NAV3: variants seen among roughly 807,000 people sequenced by gnomAD.
The protein encoded by NAV3 is pore membrane and/or filament interacting like protein 1.
NAV3 carries 87 observed loss-of-function variants against 244.7 expected under a neutral mutation model. The observed-to-expected ratio is 0.36, with a 90% CI of 0.30 to 0.42. The LOEUF is 0.42. Ranked by LOEUF, NAV3 falls within the 20% of genes least tolerant of loss-of-function variation. The pLI is 1.00. For missense variants in NAV3, 2,663 were observed against 2,893.3 expected (o/e 0.92, Z 1.83); for synonymous variants, 1,126 against 1,042.2 (o/e 1.08, Z -1.55).
At position 78,051,355 on chromosome 12, in the gene NAV3, G is replaced by T. The variant is rs143153952; in HGVS notation, c.2516+208G>T. ...GATTTCTATAAATTCATTATAAGCCGCTAAGTTTTTCTGTTGTTGAGAGAA... is the reference window on the plus strand; with the variant it reads ...GATTTCTATAAATTCATTATAAGCCTCTAAGTTTTTCTGTTGTTGAGAGAA... On this transcript the variant is annotated intron_variant, in intron 11 of 39. Transcript: ENST00000397909. 4.6e-5 allele frequency among the ~76,000 whole-genome samples: 7 copies of T among 152,210 alleles called. No homozygotes were observed. In the East Asian group the frequency reaches 1.4e-3, roughly 29 times the overall value.
chr12:77,953,585 G>A (rs138770265), intron 3 of NAV3, among the ~76,000 whole-genome samples: 7 of 152,074 alleles, frequency 4.6e-5, no homozygotes, highest in African/African-American at 1.2e-4. Flanking sequence ...AACAAAAACC[G>A]AAGAGCAAAA....
At chr12:77,703,615 T>G (rs1224866126) in intron 2 of NAV3, among the ~76,000 whole-genome samples, 2 of 152,164 alleles carry the variant, frequency 1.3e-5, no homozygotes, top group Non-Finnish European at 2.9e-5. Flanking sequence ...ACAAAATAGT[T>G]ATAACATTTT....
intron 1 of NAV3, among the ~76,000 whole-genome samples, chr12:77,845,580 T>G (rs1876480379): frequency 6.6e-6 from 1 of 152,170 alleles, no homozygotes; most frequent in African/African-American, 2.4e-5. Context: ...TATTGAAGTT[T>G]TGGATATTAG....
chr12:77,820,681 G>T lies in NAV3; in HGVS notation c.73-119638G>T, dbSNP rs536125357. Among the ~76,000 whole-genome samples, 9 of 152,222 alleles carry T rather than the reference G, an allele frequency of 5.9e-5. No individual in the cohort carries two copies. In the South Asian group the frequency reaches 8.3e-4, roughly 14 times the overall value. On this transcript the variant is annotated intron_variant, in intron 2 of 8. Coordinates refer to the NAV3 transcript ENST00000550042. ...CATGACCATTGCATATAGCTGGGAA[G>T]ATCGCACACTCTACCAGTGTGTGTG...
At chr12:77,860,598 T>C (rs1380598227) in intron 1 of NAV3, among the ~76,000 whole-genome samples, 1 of 151,878 alleles carries the variant, frequency 6.6e-6, no homozygotes, top group Admixed American at 6.6e-5. Flanking sequence ...GTCATAAGTA[T>C]CCAAACAATT....
intron 5 of NAV3, among the ~76,000 whole-genome samples, 194 bp from the exon 6 acceptor site, chr12:77,994,609 C>G (rs1647934511): frequency 6.7e-6 from 1 of 149,024 alleles, no homozygotes; most frequent in African/African-American, 2.5e-5. Flanking sequence ...TGCATTATTT[C>G]ATAGTACATT....
intron 3 of NAV3, among the ~76,000 whole-genome samples, chr12:77,946,121 T>TA (rs1491564873): frequency 2.5e-3 from 344 of 136,874 alleles, no homozygotes; most frequent in African/African-American, 8.9e-3. Flanking sequence ...TATATATATA[T>TA]TGTGTAAATA....
intron 2 of NAV3, among the ~76,000 whole-genome samples, chr12:77,626,027 CAGAT>C (rs776357371): frequency 2.1e-4 from 32 of 151,904 alleles, no homozygotes; most frequent in Admixed American, 1.6e-3. Context: ...CAGGAGAACA[CAGAT>C]AAATAATGCA....
At chr12:77,705,694 T>C (rs1250530066) in intron 2 of NAV3, among the ~76,000 whole-genome samples, 3 of 151,338 alleles carry the variant, frequency 2.0e-5, no homozygotes, top group Non-Finnish European at 2.9e-5. Context: ...GGGTCAAAGA[T>C]GAATTCAGCC....
chr12:77,925,112 T>C (rs2137227417), intron 1 of NAV3, among the ~76,000 whole-genome samples: 1 of 152,164 alleles, frequency 6.6e-6, no homozygotes, highest in East Asian at 1.9e-4. Context: ...GGGTGAAAGG[T>C]TGGGAAAAAA....
At chr12:77,721,307 TA>T (rs759631825) in intron 2 of NAV3, among the ~76,000 whole-genome samples, 7 of 152,168 alleles carry the variant, frequency 4.6e-5, no homozygotes, top group Non-Finnish European at 7.4e-5. Flanking sequence ...TGTTGTTTTT[TA>T]CCAACCTAAT....
chr12:78,013,903 T>A (rs921931752), intron 8 of NAV3, among the ~76,000 whole-genome samples: 3 of 152,018 alleles, frequency 2.0e-5, no homozygotes, highest in Admixed American at 2.0e-4. Flanking sequence ...TTTTTATTGT[T>A]CCTCTTCTTT....
At chr12:77,638,277 A>G (rs1167081417) in intron 2 of NAV3, among the ~76,000 whole-genome samples, 1 of 152,164 alleles carries the variant, frequency 6.6e-6, no homozygotes, top group African/African-American at 2.4e-5. Flanking sequence ...CCCTGCTTTG[A>G]AAACAAAGGA....
intron 2 of NAV3, among the ~76,000 whole-genome samples, chr12:77,695,070 C>CA (rs928501477): frequency 3.9e-5 from 6 of 152,146 alleles, no homozygotes; most frequent in Admixed American, 3.9e-4. Context: ...AAAACATTCT[C>CA]AAAAAATCCT....
intron 2 of NAV3, among the ~76,000 whole-genome samples, chr12:77,745,588 T>G (rs919903177): frequency 1.3e-5 from 2 of 152,056 alleles, no homozygotes; most frequent in Non-Finnish European, 2.9e-5. Context: ...CAGGACCATC[T>G]GCTTAGTAAA....
Position 77,886,683 on chromosome 12 carries a change from T to A in NAV3, c.244-53636T>A, listed in dbSNP as rs144798431. On this transcript the variant is annotated intron_variant, in intron 1 of 39. Coordinates refer to ENST00000397909, the MANE Select transcript of NAV3 (RefSeq NM_001024383.2). ...AATAAAAGCAGCTGAATTTGATCCA[T>A]GTTTAATGTCATTTTCTTAATCTTT... is the stretch of plus-strand genomic sequence containing the variant. 5.9e-3 allele frequency among the ~76,000 whole-genome samples: 892 copies of A among 152,298 alleles called. 11 individuals carry two copies. Among genetic ancestry groups the A allele is most frequent in the African/African-American group, 0.019 (797 of 41,580 alleles).
At chr12:77,875,291 C>T (rs1380237025) in intron 1 of NAV3, among the ~76,000 whole-genome samples, 1 of 151,950 alleles carries the variant, frequency 6.6e-6, no homozygotes, top group Non-Finnish European at 1.5e-5. Context: ...CCTAGGTATC[C>T]ACAAGGGTCA....
rs548329939 is a variant in NAV3 at position 77,728,264 on chromosome 12, C to T, written c.72+155998C>T. ...TGCCTAAGCTTGTCTGAGTTGGTTA[C>T]GATGATTTGTGGTCAAAAGTGTTTT... On this transcript the variant is annotated intron_variant, in intron 2 of 8. Transcript: ENST00000550042. Among the ~76,000 whole-genome samples, 42 of 151,942 alleles carry T rather than the reference C, an allele frequency of 2.8e-4. No individual in the cohort carries two copies. The East Asian group carries it at 4.3e-3, about 15-fold the overall frequency.
At chr12:77,983,983 A>G (rs1267901671) in intron 5 of NAV3, among the ~76,000 whole-genome samples, 1 of 152,124 alleles carries the variant, frequency 6.6e-6, no homozygotes, top group African/African-American at 2.4e-5. Flanking sequence ...ACAAAACACT[A>G]AGTCCTGAAC....
Sources: gnomAD v4.1 joint callset for allele counts (sites outside exome capture counted in the v4.1 genomes callset) on GRCh38, gnomAD v4.1.1 for gene constraint, MANE v1.5 for transcripts, NCBI Gene and HGNC (gene_info 2026-07-23, HGNC 2026-07-21) for gene names.